Variants in RPL37 observed in about 807,000 individuals in gnomAD.
The protein encoded by RPL37 is ribosomal protein L37.
A neutral mutation model predicts 14.8 loss-of-function variants in RPL37; 1 was observed. The observed-to-expected ratio is 0.07, with a 90% CI of 0.02 to 0.32. The LOEUF (loss-of-function observed/expected upper bound fraction) is 0.32, where lower values mean the gene tolerates loss of function less well. Among genes scored for constraint, RPL37 ranks in the 10% least tolerant of loss-of-function variants. The probability of loss-of-function intolerance (pLI) is 1.00; values close to 1 mark genes in which losing one functional copy is unlikely to be tolerated. For missense variants in RPL37, 100 were observed against 128.3 expected (o/e 0.78, Z 1.06); for synonymous variants, 53 against 45.8 (o/e 1.16, Z -0.63).
Position 40,835,169 on chromosome 5 carries a change from C to T in RPL37, c.3+14G>A. 2 of 1,614,124 alleles carry T rather than the reference C, an allele frequency of 1.2e-6. No homozygotes were observed. Among genetic ancestry groups the T allele is most frequent in the Non-Finnish European group, 1.7e-6 (2 of 1,180,030 alleles). ...GATGGAACGCGATTCACAAACACCA[C>T]AGTCACAACTCACCATCTCGCTTCT... On this transcript the variant is annotated intron_variant, in intron 1 of 3. Transcript: ENST00000274242.
Position 40,833,578 on chromosome 5 carries a change from G to A in RPL37, c.224+603C>T, listed in dbSNP as rs144578431. ...GCAGCAACCAGGGCAATTTTCTACA[G>A]CACTCTTGCCCACAGCCACTATACT... On this transcript the variant is annotated intron_variant, in intron 3 of 3. Transcript: ENST00000274242. Among the ~76,000 whole-genome samples the A allele has an allele frequency of 8.7e-3, 1,325 of 152,254 alleles. 7 individuals are homozygous for A. Among genetic ancestry groups the A allele is most frequent in the Non-Finnish European group, 0.013 (891 of 68,022 alleles).
In RPL37 at chr5:40,826,705, GGA is replaced by G; in HGVS notation, c.*5797_*5798del. On this transcript the variant is annotated 3_prime_UTR_variant, in exon 4 of 4. Transcript: ENST00000274242. ...CTGAGGACCAGATGTGTGACACTCA[GGA>G]GAGAGCCGGCATAAAATAGCCCCCA... The G allele has an allele frequency of 6.6e-6, 1 of 152,300 alleles. No individual in the cohort carries two copies. Among genetic ancestry groups the G allele is most frequent in the East Asian group, 1.9e-4 (1 of 5,182 alleles). The allele number at this position is 152,300 out of a possible 1,614,324, so 9.4% of individuals were successfully genotyped here.
In RPL37 at chr5:40,834,370, C is replaced by T. The variant is rs1450617336; in HGVS notation, c.139+101G>A. On this transcript the variant is annotated intron_variant, in intron 2 of 3. Transcript: ENST00000274242. ...GCCACCTCATCGGCATACAGATGTA[C>T]GAGTTTTAAGATAGGCACCAAATAA... The T allele has an allele frequency of 1.9e-6, 3 of 1,569,290 alleles. No individual in the cohort carries two copies. The South Asian group carries it at 3.4e-5, about 18-fold the overall frequency.
At chr5:40,833,728 A>G (rs1269796121) in intron 3 of RPL37, among the ~76,000 whole-genome samples, 1 of 147,812 alleles carries the variant, frequency 6.8e-6, no homozygotes, top group Non-Finnish European at 1.5e-5. Flanking sequence ...CTGTTATTTA[A>G]TTTATACTAC....
chr5:40,832,720 A>T, intron 3 of RPL37, 147 bp from the exon 4 acceptor site: 3 of 766,524 alleles, frequency 3.9e-6, no homozygotes, highest in Non-Finnish European at 7.3e-6. Context: ...TATTTTTACA[A>T]CATCACTGAT....
At chr5:40,832,929 A>G (rs906832046) in intron 3 of RPL37, among the ~76,000 whole-genome samples, 5 of 152,266 alleles carry the variant, frequency 3.3e-5, no homozygotes, top group African/African-American at 9.6e-5. Flanking sequence ...TTCACTAAGC[A>G]AGGAAAAAAC....
intron 2 of RPL37, 25 bp from the exon 3 acceptor site, chr5:40,834,290 T>C: frequency 1.2e-6 from 2 of 1,607,572 alleles, no homozygotes; most frequent in Non-Finnish European, 1.7e-6. Context: ...CAGAAAAGAT[T>C]TCAAACGGTG....
Position 40,835,179 on chromosome 5 carries a change from T to G in RPL37, c.3+4A>C. 1.2e-6 allele frequency: 2 copies of G among 1,614,062 alleles called. No individual in the cohort carries two copies. The highest frequency in any genetic ancestry group is 8.5e-7 in the Non-Finnish European group (1 of 1,180,018). On this transcript the variant is annotated splice_donor_region_variant and intron_variant, in intron 1 of 3. Coordinates refer to ENST00000274242, the MANE Select transcript of RPL37 (RefSeq NM_000997.5). ...GATTCACAAACACCACAGTCACAAC[T>G]CACCATCTCGCTTCTGCGGCCGAGA...
rs551760676 is a variant in RPL37 at position 40,832,408 on chromosome 5, ATAC to A, written c.*93_*95del. 4.4e-4 allele frequency: 448 copies of A among 1,022,960 alleles called. No homozygotes were observed. In the African/African-American group the frequency reaches 5.6e-3, roughly 13 times the overall value. 63.4% of individuals were successfully genotyped at this position (1,022,960 alleles called of 1,614,324 possible). On this transcript the variant is annotated 3_prime_UTR_variant, in exon 4 of 4. Coordinates refer to ENST00000274242, the MANE Select transcript of RPL37 (RefSeq NM_000997.5). ...TCCCTAAACCTACAGTATTTCACTG[ATAC>A]TACAAGCCTAATTGATTAAAAATAC...
At chr5:40,834,711 A>T (rs899072635) in intron 1 of RPL37, 105 bp from the exon 2 acceptor site, 3 of 1,304,238 alleles carry the variant, frequency 2.3e-6, no homozygotes, top group Non-Finnish European at 3.2e-6. Context: ...AATCGTAAAG[A>T]TCGAAACTGC....
intron 1 of RPL37, 32 bp from the exon 2 acceptor site, chr5:40,834,638 C>G: frequency 6.4e-7 from 1 of 1,570,494 alleles, no homozygotes; most frequent in Non-Finnish European, 8.6e-7. Flanking sequence ...AGTTCTGAAA[C>G]CTGGCAACTT....
At chr5:40,834,351 T>G in intron 2 of RPL37, 86 bp from the exon 3 acceptor site, 1 of 1,552,938 alleles carries the variant, frequency 6.4e-7, no homozygotes, top group Non-Finnish European at 8.9e-7. Flanking sequence ...TTATGCCACC[T>G]CATCGGCATA....
chr5:40,832,504 T>C lies in RPL37; in HGVS notation c.294A>G (p.Ter98=), dbSNP rs781585471. ...ATTGCATGACTAATCGTTGACATTC[T>C]TAAGATGAACTGGATGCTGCAACAG... The part of the protein sequence containing the change: ...RAAVAASSSS[*] Residue 98 remains the stop codon, a stop_retained_variant, in exon 4 of 4, where the codon TAA becomes TAG. Coordinates refer to ENST00000274242, the MANE Select transcript of RPL37 (RefSeq NM_000997.5). 1 of 1,612,642 alleles carries C rather than the reference T, an allele frequency of 6.2e-7. No individual in the cohort carries two copies. The highest frequency in any genetic ancestry group is 8.5e-7 in the Non-Finnish European group (1 of 1,178,980).
chr5:40,834,218 G>T lies in RPL37; in HGVS notation c.187C>A (p.Arg63=). 1 of 1,614,048 alleles carries T rather than the reference G, an allele frequency of 6.2e-7. No individual in the cohort carries two copies. The highest frequency in any genetic ancestry group is 8.5e-7 in the Non-Finnish European group (1 of 1,179,974). The change falls in exon 3 of 4, where the codon CGA becomes AGA. Residue 63 remains arginine, a synonymous_variant. Transcript: ENST00000274242. ...AKRRNTTGTG[R]MRHLKIVYRR... ...TATACAATTTTTAGGTGCCTCATTCGACCAGTTCCGGTGGTATTTCGTCTT... is the reference window on the plus strand; with the variant it reads ...TATACAATTTTTAGGTGCCTCATTCTACCAGTTCCGGTGGTATTTCGTCTT...
chr5:40,831,341 A>G lies in RPL37; in HGVS notation c.*1163T>C, dbSNP rs1306408106. On this transcript the variant is annotated 3_prime_UTR_variant, in exon 4 of 4. Transcript: ENST00000274242. ...GTCTCACATTTCGGGAGGAAGCCCA[A>G]GAGAGATTTAATCAGCAGGGTTTCT... The G allele has an allele frequency of 6.6e-6, 1 of 152,372 alleles. No homozygotes were observed. The highest frequency in any genetic ancestry group is 1.9e-4 in the East Asian group (1 of 5,334). The allele number at this position is 152,372 out of a possible 1,614,324, so 9.4% of individuals were successfully genotyped here. A position where few individuals can be genotyped will look rare whatever the true frequency, so the allele number is the denominator to read the frequency against.
intron 2 of RPL37, 36 bp downstream of exon 2, chr5:40,834,435 A>G (rs1561209190): frequency 6.2e-7 from 1 of 1,604,214 alleles, no homozygotes. Context: ...AATACAAACA[A>G]AAGCTAACAC....
chr5:40,834,364 G>A (rs1055041901), intron 2 of RPL37, 99 bp from the exon 3 acceptor site: 4 of 1,560,260 alleles, frequency 2.6e-6, no homozygotes, highest in African/African-American at 2.7e-5. Flanking sequence ...TCGGCATACA[G>A]ATGTACGAGT....
chr5:40,834,160 G>A (rs1323674772), intron 3 of RPL37, 21 bp downstream of exon 3: 1 of 1,566,004 alleles, frequency 6.4e-7, no homozygotes, highest in African/African-American at 1.4e-5. Flanking sequence ...GACCAATTAT[G>A]ATCGAACATA....
At chr5:40,835,061 C>G (rs1414661493) in intron 1 of RPL37, 122 bp downstream of exon 1, 1 of 1,377,700 alleles carries the variant, frequency 7.3e-7, no homozygotes, top group East Asian at 2.3e-5. Context: ...CCACCGCATG[C>G]CTCTTTCCAG....
Sources: gnomAD v4.1 joint callset for allele counts (sites outside exome capture counted in the v4.1 genomes callset) on GRCh38, gnomAD v4.1.1 for gene constraint, MANE v1.5 for transcripts, NCBI Gene and HGNC (gene_info 2026-07-23, HGNC 2026-07-21) for gene names.